The following PCDH15 variants were observed in gnomAD, a reference collection of about 807,000 sequenced individuals.
PCDH15 encodes protocadherin related 15.
In PCDH15, 129 loss-of-function variants were observed where a neutral mutation model predicts 178.5. The observed-to-expected ratio is 0.72, with a 90% CI of 0.63 to 0.84. The LOEUF is 0.84. PCDH15 is among the 40% of genes least tolerant of loss of function. The pLI is 0.00. For missense variants in PCDH15, 2,230 were observed against 2,099.9 expected (o/e 1.06, Z -1.21); for synonymous variants, 800 against 732.0 (o/e 1.09, Z -1.50).
intron 2 of PCDH15, among the ~76,000 whole-genome samples, chr10:55,042,670 A>T (rs958786095): frequency 5.3e-5 from 8 of 152,162 alleles, no homozygotes; most frequent in Admixed American, 3.9e-4. Context: ...TATATTTTTT[A>T]AATTAAAAGT....
chr10:55,402,402 A>G (rs1004071725), intron 2 of PCDH15, among the ~76,000 whole-genome samples: 1 of 151,992 alleles, frequency 6.6e-6, no homozygotes, highest in Non-Finnish European at 1.5e-5. Context: ...GCTATTTTGA[A>G]ACATACAATA....
intron 8 of PCDH15, among the ~76,000 whole-genome samples, chr10:54,283,653 CA>C (rs963239977): frequency 6.6e-6 from 1 of 151,862 alleles, no homozygotes; most frequent in Admixed American, 6.6e-5. Flanking sequence ...AAAATACTAA[CA>C]AAAAACATCC....
At chr10:54,269,499 T>A (rs1430375350) in intron 8 of PCDH15, among the ~76,000 whole-genome samples, 1 of 152,104 alleles carries the variant, frequency 6.6e-6, no homozygotes, top group South Asian at 2.1e-4. Flanking sequence ...CCTGTATCTG[T>A]CAAGCTTTAC....
At chr10:54,856,602 T>G (rs1321943883) in intron 3 of PCDH15, among the ~76,000 whole-genome samples, 1 of 152,178 alleles carries the variant, frequency 6.6e-6, no homozygotes, top group Non-Finnish European at 1.5e-5. Context: ...TATGCCCTGA[T>G]ATTTACTGAT....
chr10:55,100,823 A>AAG (rs1302966312), intron 2 of PCDH15, among the ~76,000 whole-genome samples: 2 of 152,082 alleles, frequency 1.3e-5, no homozygotes, highest in Non-Finnish European at 1.5e-5. Context: ...TTTGGAGGGG[A>AAG]AAATATCTAA....
intron 2 of PCDH15, among the ~76,000 whole-genome samples, chr10:55,498,010 C>G (rs1840574046): frequency 6.6e-6 from 1 of 151,774 alleles, no homozygotes; most frequent in Non-Finnish European, 1.5e-5. Context: ...TATATCTACT[C>G]TTAAGTGCAG....
chr10:55,318,457 T>C (rs1028116588), intron 1 of PCDH15, among the ~76,000 whole-genome samples: 2 of 152,020 alleles, frequency 1.3e-5, no homozygotes, highest in Non-Finnish European at 2.9e-5. Flanking sequence ...AAAAGAATGC[T>C]CAAAATTTGG....
intron 2 of PCDH15, among the ~76,000 whole-genome samples, chr10:54,979,134 A>C (rs1034746450): frequency 1.3e-5 from 2 of 152,214 alleles, no homozygotes; most frequent in African/African-American, 4.8e-5. Flanking sequence ...ATATGGCTCC[A>C]AAGCTAATAC....
chr10:55,231,276 G>T (rs543896324), intron 1 of PCDH15, among the ~76,000 whole-genome samples: 1 of 152,050 alleles, frequency 6.6e-6, no homozygotes, highest in African/African-American at 2.4e-5. Flanking sequence ...AAGAAATCTG[G>T]AGAACTTTTG....
intron 2 of PCDH15, among the ~76,000 whole-genome samples, chr10:55,469,612 A>T (rs1247654176): frequency 1.3e-5 from 2 of 151,820 alleles, no homozygotes. Flanking sequence ...CTTGTGTTCT[A>T]TTTTTCCCCT....
At chr10:55,095,101 G>A (rs981269252) in intron 2 of PCDH15, among the ~76,000 whole-genome samples, 2 of 151,452 alleles carry the variant, frequency 1.3e-5, no homozygotes, top group African/African-American at 2.4e-5. Context: ...TGTTGTTGTT[G>A]TTACTTTTAT....
Position 55,551,420 on chromosome 10 carries a change from AC to A in PCDH15, c.-156+76204del, listed in dbSNP as rs539667415. ...TAAGACAGGTTATATAGAATCCATT[AC>A]AATATTCTTCAATAGCAGGAAAGTA... On this transcript the variant is annotated intron_variant, in intron 2 of 5. Coordinates refer to the PCDH15 transcript ENST00000613346. 1.8e-4 allele frequency among the ~76,000 whole-genome samples: 27 copies of A among 152,032 alleles called. No homozygotes were observed. The South Asian group carries it at 5.4e-3, about 30-fold the overall frequency.
At chr10:55,239,230 T>G (rs1389496879) in intron 1 of PCDH15, among the ~76,000 whole-genome samples, 4 of 152,194 alleles carry the variant, frequency 2.6e-5, no homozygotes, top group Admixed American at 2.6e-4. Context: ...TATTCCAATA[T>G]GTATACGTAC....
chr10:55,269,243 G>A (rs543224811), intron 1 of PCDH15, among the ~76,000 whole-genome samples: 114 of 151,766 alleles, frequency 7.5e-4, no homozygotes, highest in African/African-American at 2.5e-3. Context: ...GCCCACTCTC[G>A]CCCCTCCTAT....
At chr10:54,263,385 C>CT (rs1267742862) in intron 8 of PCDH15, among the ~76,000 whole-genome samples, 3 of 152,134 alleles carry the variant, frequency 2.0e-5, no homozygotes, top group Non-Finnish European at 2.9e-5. Flanking sequence ...GTCTTGCCTC[C>CT]ATCTCCACTT....
At chr10:55,132,255 G>T (rs1315285065) in intron 2 of PCDH15, among the ~76,000 whole-genome samples, 1 of 152,106 alleles carries the variant, frequency 6.6e-6, no homozygotes, top group Non-Finnish European at 1.5e-5. Context: ...CTCACAAAAG[G>T]CTCTGTTTTA....
At chr10:55,166,402 C>T (rs539897255) in intron 2 of PCDH15, among the ~76,000 whole-genome samples, 6 of 152,218 alleles carry the variant, frequency 3.9e-5, no homozygotes, top group South Asian at 2.1e-4. Context: ...ATTTTCTCTC[C>T]GTCTAGCTTA....
At chr10:55,190,336 T>A (rs934898811) in intron 1 of PCDH15, among the ~76,000 whole-genome samples, 1 of 151,602 alleles carries the variant, frequency 6.6e-6, no homozygotes, top group Non-Finnish European at 1.5e-5. Context: ...AGTGCACACA[T>A]GCACAATAAT....
chr10:55,519,807 A>G (rs1255140762), intron 2 of PCDH15, among the ~76,000 whole-genome samples: 1 of 151,382 alleles, frequency 6.6e-6, no homozygotes, highest in African/African-American at 2.4e-5. Context: ...TTTTACTATA[A>G]ATGTCAAGCA....
Sources: allele counts gnomAD v4.1 joint callset (sites outside exome capture counted in the v4.1 genomes callset), GRCh38; gene constraint gnomAD v4.1.1; transcripts MANE v1.5; gene names NCBI Gene and HGNC (gene_info 2026-07-23, HGNC 2026-07-21).